The following PLSCR1 variants were observed in gnomAD, a reference collection of about 807,000 sequenced individuals.
The protein encoded by PLSCR1 is PL scramblase 1.
Under a neutral mutation model 37.8 loss-of-function variants are expected in PLSCR1, and 17 were observed. That is an observed-to-expected ratio of 0.45 (90% CI 0.31 to 0.68). The LOEUF (loss-of-function observed/expected upper bound fraction) is 0.68, where lower values mean the gene tolerates loss of function less well. PLSCR1 is among the 30% of genes least tolerant of loss of function. The pLI, the probability that PLSCR1 is intolerant of heterozygous loss-of-function variation, is 0.06. For synonymous variants in PLSCR1, 116 were observed against 125.9 expected (o/e 0.92, Z 0.53); for missense variants, 347 against 380.9 (o/e 0.91, Z 0.74).
chr3:146,518,019 G>A (rs1201040627), intron 7 of PLSCR1, among the ~76,000 whole-genome samples: 2 of 152,264 alleles, frequency 1.3e-5, no homozygotes, highest in South Asian at 2.1e-4. Context: ...TTTTATTTGA[G>A]TACAAGTGGA....
chr3:146,524,662 A>C (rs1208080095), intron 5 of PLSCR1, among the ~76,000 whole-genome samples: 2 of 152,142 alleles, frequency 1.3e-5, no homozygotes. Flanking sequence ...TTCAGAATAC[A>C]AAGCTGTCTT....
rs1317833258 is a variant in PLSCR1 at position 146,525,592 on chromosome 3, A to T, written c.355+13T>A. 7.2e-7 allele frequency: 1 copy of T among 1,386,128 alleles called. No individual in the cohort carries two copies. The highest frequency in any genetic ancestry group is 1.0e-6 in the Non-Finnish European group (1 of 978,742). The allele number at this position is 1,386,128 out of a possible 1,614,324, so 85.9% of individuals were successfully genotyped here. On this transcript the variant is annotated intron_variant, in intron 5 of 8. Coordinates refer to ENST00000342435, the MANE Select transcript of PLSCR1 (RefSeq NM_021105.3). ...CTCTTTATAGAAACAGGATTAAAACAATGAATACATACCTTCCAGAAGTTC... is the reference window on the plus strand; with the variant it reads ...CTCTTTATAGAAACAGGATTAAAACTATGAATACATACCTTCCAGAAGTTC...
At position 146,517,019 on chromosome 3, in the gene PLSCR1, G is replaced by C; in HGVS notation, c.887C>G (p.Ala296Gly). 1 of 1,590,706 alleles carries C rather than the reference G, an allele frequency of 6.3e-7. No homozygotes were observed. Among genetic ancestry groups the C allele is most frequent in the Non-Finnish European group, 8.6e-7 (1 of 1,168,254 alleles). ...DVKMKAVMIG[A>G]CFLIDFMFFE... ...GAACAGACTTACAATGAGGAAACAG[G>C]CACCAATCATTACAGCTTTCATTTT... Residue 296 changes from alanine (A) to glycine (G), a missense_variant, in exon 8 of 9, where the codon GCC (alanine) becomes GGC (glycine). By Grantham distance (60) the Ala-to-Gly change is moderately conservative. Coordinates refer to ENST00000342435, the MANE Select transcript of PLSCR1 (RefSeq NM_021105.3).
intron 2 of PLSCR1, among the ~76,000 whole-genome samples, chr3:146,536,338 A>C (rs1365892469): frequency 6.6e-6 from 1 of 152,230 alleles, no homozygotes; most frequent in African/African-American, 2.4e-5. Flanking sequence ...CGTATTTTTA[A>C]TGAAGAACCT....
intron 2 of PLSCR1, among the ~76,000 whole-genome samples, chr3:146,536,083 G>C (rs900003662): frequency 7.9e-5 from 12 of 152,076 alleles, no homozygotes; most frequent in Non-Finnish European, 1.6e-4. Flanking sequence ...GAGAAAAAAA[G>C]CCAGAACATA....
chr3:146,516,209 T>TA (rs1335928026), intron 8 of PLSCR1, 108 bp from the exon 9 acceptor site: 8 of 587,204 alleles, frequency 1.4e-5, no homozygotes, highest in Admixed American at 6.8e-5. Context: ...ACAAATCTGT[T>TA]AAAAAAATTA....
Position 146,544,535 on chromosome 3 carries a change from C to T in PLSCR1, c.-82G>A, listed in dbSNP as rs2044381582. On this transcript the variant is annotated 5_prime_UTR_variant, in exon 1 of 9. Coordinates refer to ENST00000342435, the MANE Select transcript of PLSCR1 (RefSeq NM_021105.3). ...GAGAGCCGGGGCCAGGCGATGGCTT[C>T]CTCTTCTGCGCCTCTAGACTGCCGG... 2 of 152,472 alleles carry T rather than the reference C, an allele frequency of 1.3e-5. No individual in the cohort carries two copies. The highest frequency in any genetic ancestry group is 4.1e-4 in the South Asian group (2 of 4,830). The allele number at this position is 152,472 out of a possible 1,614,324, so 9.4% of individuals were successfully genotyped here. A position where few individuals can be genotyped will look rare whatever the true frequency, so the allele number is the denominator to read the frequency against.
At position 146,521,686 on chromosome 3, in the gene PLSCR1, G is replaced by A. The variant is rs1360022261; in HGVS notation, c.596C>T (p.Pro199Leu). 3.7e-6 allele frequency: 6 copies of A among 1,612,882 alleles called. No homozygotes were observed. The highest frequency in any genetic ancestry group is 2.7e-5 in the African/African-American group (2 of 74,866). Residue 199 changes from proline to leucine, a missense_variant, in exon 7 of 9, where the codon CCT (proline) becomes CTT (leucine). Pro to Leu is a moderately conservative substitution (Grantham distance 98). Coordinates refer to ENST00000342435, the MANE Select transcript of PLSCR1 (RefSeq NM_021105.3). Reference protein sequence around the residue: ...CLQEIEIQAPPGVPIGYVIQT... With the variant: ...CLQEIEIQAPLGVPIGYVIQT... ...AATAACATAACCTATTGGTACACCA[G>A]GAGGAGCTTGGATTTCTATCTACAA...
chr3:146,535,958 G>A (rs1252982954), intron 2 of PLSCR1, among the ~76,000 whole-genome samples: 1 of 152,098 alleles, frequency 6.6e-6, no homozygotes, highest in African/African-American at 2.4e-5. Flanking sequence ...TTTTCCCTAT[G>A]TAGTGGGAAT....
chr3:146,535,909 A>G (rs920251971), intron 2 of PLSCR1, among the ~76,000 whole-genome samples: 12 of 152,182 alleles, frequency 7.9e-5, no homozygotes, highest in African/African-American at 2.9e-4. Context: ...GAATAAAGAA[A>G]AGCGTTTCAG....
At chr3:146,541,842 A>C (rs1292125482) in intron 1 of PLSCR1, among the ~76,000 whole-genome samples, 2 of 152,194 alleles carry the variant, frequency 1.3e-5, no homozygotes, top group African/African-American at 4.8e-5. Context: ...TAATGTCGTT[A>C]TCTTGGGAGT....
chr3:146,519,376 A>AT (rs1286157961), intron 7 of PLSCR1, among the ~76,000 whole-genome samples: 2 of 152,064 alleles, frequency 1.3e-5, no homozygotes, highest in African/African-American at 4.8e-5. Context: ...ATATTTTGAG[A>AT]TTCCTGAAAC....
At chr3:146,519,845 T>TAATA (rs1272781088) in intron 7 of PLSCR1, among the ~76,000 whole-genome samples, 2 of 152,154 alleles carry the variant, frequency 1.3e-5, no homozygotes, top group African/African-American at 4.8e-5. Flanking sequence ...AATATCAGAA[T>TAATA]AATAACACAT....
intron 7 of PLSCR1, among the ~76,000 whole-genome samples, chr3:146,519,930 T>G (rs1219579143): frequency 6.6e-6 from 1 of 152,178 alleles, no homozygotes; most frequent in African/African-American, 2.4e-5. Flanking sequence ...AGTACACCTA[T>G]GAAATGCCTC....
chr3:146,520,555 C>G (rs1282528921), intron 7 of PLSCR1, among the ~76,000 whole-genome samples: 1 of 152,116 alleles, frequency 6.6e-6, no homozygotes, highest in African/African-American at 2.4e-5. Flanking sequence ...ATATCACATC[C>G]TCCTTAGAAC....
intron 1 of PLSCR1, among the ~76,000 whole-genome samples, chr3:146,541,984 G>A (rs2044343569): frequency 6.6e-6 from 1 of 152,126 alleles, no homozygotes; most frequent in Non-Finnish European, 1.5e-5. Context: ...CCTCCATACA[G>A]TCATGCACCA....
At chr3:146,537,719 A>T in intron 1 of PLSCR1, among the ~76,000 whole-genome samples, 1 of 152,060 alleles carries the variant, frequency 6.6e-6, no homozygotes, top group East Asian at 1.9e-4. Context: ...ACTAAAAAAA[A>T]ATTAGCCAAG....
intron 1 of PLSCR1, among the ~76,000 whole-genome samples, chr3:146,542,232 T>C (rs894316736): frequency 6.6e-6 from 1 of 152,162 alleles, no homozygotes; most frequent in Non-Finnish European, 1.5e-5. Flanking sequence ...CCAAGTTCCC[T>C]CCAGCCCAGG....
In PLSCR1 at chr3:146,516,202, A is replaced by G. The variant is rs2043943957; in HGVS notation, c.901-101T>C. ...AGGGATCTAGTGAAACACAGTAACA[A>G]ATCTGTTAAAAAAATTAAATGTAAT... On this transcript the variant is annotated intron_variant, in intron 8 of 8. Coordinates refer to ENST00000342435, the MANE Select transcript of PLSCR1 (RefSeq NM_021105.3). The G allele has an allele frequency of 4.8e-6, 3 of 625,392 alleles. No homozygotes were observed. The East Asian group carries it at 8.8e-5, about 18-fold the overall frequency. 38.7% of individuals were successfully genotyped at this position (625,392 alleles called of 1,614,324 possible).
Sources: gnomAD v4.1 joint callset for allele counts (sites outside exome capture counted in the v4.1 genomes callset) on GRCh38, gnomAD v4.1.1 for gene constraint, MANE v1.5 for transcripts, NCBI Gene and HGNC (gene_info 2026-07-23, HGNC 2026-07-21) for gene names.